The following KLF8 variants were observed in gnomAD, a reference collection of about 807,000 sequenced individuals.
KLF8 encodes the protein Krueppel-like factor 8.
KLF8 carries 10 observed loss-of-function variants against 18.2 expected under a neutral mutation model. The observed-to-expected ratio is 0.55, with a 90% CI of 0.34 to 0.93. KLF8 has a LOEUF of 0.93. KLF8 is among the 40% of genes least tolerant of loss of function. KLF8 has a pLI of 0.02. For synonymous variants in KLF8, 109 were observed against 97.3 expected (o/e 1.12, Z -0.71); for missense variants, 264 against 277.9 (o/e 0.95, Z 0.36).
chrX:56,080,283 G>C, the KLF8 span, among the ~76,000 whole-genome samples: 5 of 110,952 alleles, frequency 4.5e-5, no homozygotes, highest in African/African-American at 1.6e-4. Context: ...GCAGTGGCTG[G>C]TACCGGTTGT....
At chrX:56,005,156 C>T in the KLF8 span, among the ~76,000 whole-genome samples, 1 of 110,210 alleles carries the variant, frequency 9.1e-6, no homozygotes, top group Admixed American at 9.7e-5. Flanking sequence ...AATTCTCCTG[C>T]CTCAGCCTCC....
chrX:56,270,096 T>C (rs1463630069), intron 4 of KLF8, 86 bp from the exon 5 acceptor site: 20 of 913,924 alleles, frequency 2.2e-5, no homozygotes, highest in Non-Finnish European at 3.0e-5. Flanking sequence ...AAAGCCGATA[T>C]GATGTGGCAC....
chrX:56,002,548 A>G, the KLF8 span, among the ~76,000 whole-genome samples: 1 of 111,090 alleles, frequency 9.0e-6, no homozygotes, highest in Non-Finnish European at 1.9e-5. Flanking sequence ...CATTGTTTCT[A>G]GCACATGATT....
upstream of KLF8, among the ~76,000 whole-genome samples, chrX:56,229,785 C>G (rs1602397542): frequency 9.0e-6 from 1 of 111,569 alleles, no homozygotes; most frequent in African/African-American, 3.3e-5. Flanking sequence ...CCACTGGAGC[C>G]TCTTAGAATG....
chrX:56,167,904 G>A, the KLF8 span, among the ~76,000 whole-genome samples: 313 of 111,617 alleles, frequency 2.8e-3, 9 homozygotes, highest in Admixed American at 0.027. Flanking sequence ...AAACCAAAGT[G>A]GATAAATTAT....
At chrX:56,180,089 T>C in the KLF8 span, among the ~76,000 whole-genome samples, 1 of 111,939 alleles carries the variant, frequency 8.9e-6, no homozygotes, top group South Asian at 3.7e-4. Flanking sequence ...CTTGTACATC[T>C]CGTAGAATTC....
the KLF8 span, among the ~76,000 whole-genome samples, chrX:56,149,541 C>T: frequency 5.4e-5 from 6 of 110,899 alleles, no homozygotes; most frequent in Non-Finnish European, 7.5e-5. Context: ...TCAAACAATA[C>T]ACCCAACCAA....
the KLF8 span, among the ~76,000 whole-genome samples, chrX:56,073,267 G>T: frequency 8.9e-6 from 1 of 112,343 alleles, no homozygotes; most frequent in Admixed American, 9.4e-5. Context: ...GATTACAGGC[G>T]TGAGCCACTG....
the KLF8 span, among the ~76,000 whole-genome samples, chrX:55,966,245 G>T: frequency 1.8e-5 from 2 of 112,541 alleles, no homozygotes; most frequent in African/African-American, 6.5e-5. Context: ...TAATTGTGGA[G>T]CCCTAGGGCA....
chrX:56,282,905 TACA>T (rs948449537), intron 5 of KLF8, among the ~76,000 whole-genome samples: 1 of 111,890 alleles, frequency 8.9e-6, no homozygotes, highest in African/African-American at 3.3e-5. Context: ...TATTATATGA[TACA>T]ACATTATGAT....
At chrX:56,051,137 C>G in the KLF8 span, among the ~76,000 whole-genome samples, 1 of 111,089 alleles carries the variant, frequency 9.0e-6, no homozygotes. Flanking sequence ...CTTCCTCCAT[C>G]CTTTTATTTT....
At chrX:56,057,561 C>T in the KLF8 span, among the ~76,000 whole-genome samples, 3 of 111,412 alleles carry the variant, frequency 2.7e-5, no homozygotes, top group African/African-American at 9.8e-5. Context: ...CTCCATTGGT[C>T]AGAAACGTTT....
the KLF8 span, among the ~76,000 whole-genome samples, chrX:56,047,096 T>A: frequency 7.2e-5 from 8 of 110,412 alleles, no homozygotes; most frequent in African/African-American, 2.6e-4. Context: ...TTGGGTTAAT[T>A]TGAAAGCCTT....
Position 56,288,848 on chromosome X carries a change from T to C in KLF8, c.*4354T>C, listed in dbSNP as rs189717844. The stretch of plus-strand genomic sequence containing the variant: ...GAAGCACAATAAAACGAGGTATGCC[T>C]GTATTTACATGACTCATCACTGTTG... On this transcript the variant is annotated 3_prime_UTR_variant, in exon 6 of 6. Coordinates refer to ENST00000468660, the MANE Select transcript of KLF8 (RefSeq NM_007250.5). Among the ~76,000 whole-genome samples the C allele has an allele frequency of 3.6e-4, 40 of 112,023 alleles. No homozygotes were observed. Among genetic ancestry groups the C allele is most frequent in the African/African-American group, 1.2e-3 (38 of 30,870 alleles).
the KLF8 span, among the ~76,000 whole-genome samples, chrX:56,119,464 C>T: frequency 3.6e-5 from 4 of 110,706 alleles, no homozygotes; most frequent in Admixed American, 2.9e-4. Flanking sequence ...AGTGCAGTGG[C>T]GTGATCTTGG....
Position 56,289,540 on chromosome X carries a change from C to T in KLF8, c.*5046C>T, listed in dbSNP as rs2067302300. Among the ~76,000 whole-genome samples the T allele has an allele frequency of 9.0e-6, 1 of 111,516 alleles. No individual in the cohort carries two copies. The highest frequency in any genetic ancestry group is 1.9e-5 in the Non-Finnish European group (1 of 53,126). ...ATAAATATTTCTATATGTAATCACC[C>T]AGATTTTTATTTAGCTAAACATGAG... On this transcript the variant is annotated 3_prime_UTR_variant, in exon 6 of 6. Coordinates refer to ENST00000468660, the MANE Select transcript of KLF8 (RefSeq NM_007250.5).
At chrX:56,227,924 C>A (rs191246675), upstream of KLF8, among the ~76,000 whole-genome samples, 13 of 107,216 alleles carry the variant, frequency 1.2e-4, no homozygotes, top group Non-Finnish European at 9.6e-5. Context: ...CACACCTAGT[C>A]AAGCTCCTTG....
At chrX:56,153,977 A>T in the KLF8 span, among the ~76,000 whole-genome samples, 8 of 111,756 alleles carry the variant, frequency 7.2e-5, no homozygotes, top group African/African-American at 2.6e-4. Context: ...AGTAGGAAGA[A>T]TCAATATCGT....
the KLF8 span, among the ~76,000 whole-genome samples, chrX:56,201,425 A>G: frequency 9.0e-6 from 1 of 111,653 alleles, no homozygotes; most frequent in Non-Finnish European, 1.9e-5. Context: ...TCATACACAC[A>G]AAAACATGGT....
Sources: allele counts gnomAD v4.1 joint callset (sites outside exome capture counted in the v4.1 genomes callset), GRCh38; gene constraint gnomAD v4.1.1; transcripts MANE v1.5; gene names NCBI Gene and HGNC (gene_info 2026-07-23, HGNC 2026-07-21).